Variants in FRMD4A observed in about 807,000 individuals in gnomAD.
The protein encoded by FRMD4A is FERM domain containing 4A, also known as FERM domain-containing protein 4A.
FRMD4A carries 29 observed loss-of-function variants against 129.1 expected under a neutral mutation model. That is an observed-to-expected ratio of 0.22 (90% CI 0.17 to 0.31). FRMD4A has a LOEUF of 0.31. FRMD4A is among the 10% of genes least tolerant of loss of function. The pLI, the probability that FRMD4A is intolerant of heterozygous loss-of-function variation, is 1.00. For missense variants in FRMD4A, 1,272 were observed against 1,375.8 expected (o/e 0.92, Z 1.19); for synonymous variants, 634 against 571.6 (o/e 1.11, Z -1.56).
intron 2 of FRMD4A, among the ~76,000 whole-genome samples, chr10:14,010,167 C>A (rs918932939): frequency 6.6e-6 from 1 of 152,156 alleles, no homozygotes; most frequent in Non-Finnish European, 1.5e-5. Context: ...GTCCTCTTCT[C>A]TGACCCAGGC....
At chr10:14,082,275 AT>A (rs1322814826) in intron 2 of FRMD4A, among the ~76,000 whole-genome samples, 1 of 152,188 alleles carries the variant, frequency 6.6e-6, no homozygotes, top group Non-Finnish European at 1.5e-5. Context: ...AATCTAAGAT[AT>A]TTTTATTAAT....
chr10:14,130,914 C>T (rs956003471), intron 2 of FRMD4A, among the ~76,000 whole-genome samples: 8 of 152,174 alleles, frequency 5.3e-5, no homozygotes, highest in African/African-American at 1.9e-4. Flanking sequence ...AAGTGAGATT[C>T]AAATTGTAGC....
intron 2 of FRMD4A, among the ~76,000 whole-genome samples, chr10:14,004,888 TC>T (rs1185363233): frequency 6.6e-6 from 1 of 152,252 alleles, no homozygotes; most frequent in Non-Finnish European, 1.5e-5. Context: ...ACCTAAATTG[TC>T]TTTGTTACTT....
chr10:13,759,925 T>C (rs1176365213), intron 8 of FRMD4A, among the ~76,000 whole-genome samples: 3 of 151,952 alleles, frequency 2.0e-5, no homozygotes, highest in Admixed American at 6.6e-5. Flanking sequence ...AGAGATGGCA[T>C]TTGAGATCAG....
chr10:14,225,255 T>G (rs1247116302), intron 2 of FRMD4A, among the ~76,000 whole-genome samples: 1 of 152,204 alleles, frequency 6.6e-6, no homozygotes, highest in Non-Finnish European at 1.5e-5. Context: ...AGAAGTATGG[T>G]GAAACCTCAT....
At chr10:14,287,734 G>A (rs1218452) in intron 2 of FRMD4A, among the ~76,000 whole-genome samples, 27,541 of 152,084 alleles carry the variant, frequency 0.18, 3,595 homozygotes, top group African/African-American at 0.37. Context: ...AACCTAACTT[G>A]CTACTCACCA....
intron 2 of FRMD4A, among the ~76,000 whole-genome samples, chr10:14,206,428 G>C (rs1842782581): frequency 6.6e-6 from 1 of 152,092 alleles, no homozygotes; most frequent in Admixed American, 6.6e-5. Context: ...TCTGTCCTGT[G>C]GTTCCTTTTA....
chr10:14,199,600 G>A (rs1458702558), intron 2 of FRMD4A, among the ~76,000 whole-genome samples: 1 of 152,174 alleles, frequency 6.6e-6, no homozygotes, highest in Non-Finnish European at 1.5e-5. Flanking sequence ...ATGTTGGCCA[G>A]GCTGGTCTCA....
chr10:14,259,538 CCAATAT>C (rs2132031436), intron 2 of FRMD4A, among the ~76,000 whole-genome samples: 1 of 152,246 alleles, frequency 6.6e-6, no homozygotes, highest in East Asian at 1.9e-4. Context: ...AAGCCATCTG[CCAATAT>C]CATTAAAATC....
At chr10:13,852,625 G>A (rs2094155225) in intron 3 of FRMD4A, among the ~76,000 whole-genome samples, 1 of 152,112 alleles carries the variant, frequency 6.6e-6, no homozygotes, top group South Asian at 2.1e-4. Flanking sequence ...TTTTAACACG[G>A]ACTCACCAAG....
At chr10:13,797,829 T>C (rs2093154815) in intron 4 of FRMD4A, among the ~76,000 whole-genome samples, 3 of 152,082 alleles carry the variant, frequency 2.0e-5, no homozygotes, top group Admixed American at 2.0e-4. Context: ...CAGCACATGC[T>C]TAAACCTCCA....
intron 16 of FRMD4A, among the ~76,000 whole-genome samples, chr10:13,671,843 G>T (rs779674046): frequency 1.3e-5 from 2 of 152,248 alleles, no homozygotes; most frequent in African/African-American, 4.8e-5. Context: ...GCCAAGCCCA[G>T]CTCTGGCTTT....
At chr10:14,121,526 A>C (rs1400712375) in intron 2 of FRMD4A, among the ~76,000 whole-genome samples, 1 of 152,216 alleles carries the variant, frequency 6.6e-6, no homozygotes, top group Non-Finnish European at 1.5e-5. Flanking sequence ...TAAGAGTTTA[A>C]AAGAGGGGCT....
intron 2 of FRMD4A, among the ~76,000 whole-genome samples, chr10:13,965,508 C>A (rs926656184): frequency 2.0e-5 from 3 of 152,092 alleles, no homozygotes; most frequent in African/African-American, 7.2e-5. Flanking sequence ...ACAAAAGCAC[C>A]ATATAATGTT....
chr10:14,210,661 G>C (rs1364323329), intron 2 of FRMD4A, among the ~76,000 whole-genome samples: 1 of 152,192 alleles, frequency 6.6e-6, no homozygotes, highest in Non-Finnish European at 1.5e-5. Flanking sequence ...TCAGTCGTAA[G>C]CATCTCCAAT....
rs897269128 is a variant in FRMD4A at position 13,974,031 on chromosome 10, TTTTTTTTTC to T, written c.46-115128_46-115120del. ...GATAGGGACAGTTCTTTTTTTTTTT[TTTTTTTTTC>T]TTTCTGGGACAGAGTCTTGCTCAGT... On this transcript the variant is annotated intron_variant, in intron 2 of 24. Transcript: ENST00000357447. Among the ~76,000 whole-genome samples, 21 of 131,638 alleles carry T rather than the reference TTTTTTTTTC, an allele frequency of 1.6e-4. No individual in the cohort carries two copies. In the East Asian group the frequency reaches 5.3e-3, roughly 33 times the overall value. 86.4% of individuals were successfully genotyped at this position (131,638 alleles called of 152,430 possible). A position where few individuals can be genotyped will look rare whatever the true frequency, so the allele number is the denominator to read the frequency against.
chr10:13,737,783 C>T (rs58218581), intron 12 of FRMD4A, 61 bp downstream of exon 12: 22,889 of 916,450 alleles, frequency 0.025, 1,104 homozygotes, highest in East Asian at 0.11. Context: ...TAAAGTGACT[C>T]CTACGCCTGT....
intron 2 of FRMD4A, among the ~76,000 whole-genome samples, chr10:14,039,388 A>ATCCG (rs1833665434): frequency 7.4e-6 from 1 of 135,626 alleles, no homozygotes; most frequent in Non-Finnish European, 1.6e-5. Flanking sequence ...CCATCCATCC[A>ATCCG]TCCATCCATC....
chr10:14,050,319 G>C (rs1314798342), intron 2 of FRMD4A, among the ~76,000 whole-genome samples: 1 of 152,180 alleles, frequency 6.6e-6, no homozygotes, highest in African/African-American at 2.4e-5. Context: ...GACCCTGTGA[G>C]GTAGGTATGA....
Sources: gnomAD v4.1 joint callset for allele counts (sites outside exome capture counted in the v4.1 genomes callset) on GRCh38, gnomAD v4.1.1 for gene constraint, MANE v1.5 for transcripts, NCBI Gene and HGNC (gene_info 2026-07-23, HGNC 2026-07-21) for gene names.